The following TNFRSF13C variants were observed in gnomAD, a reference collection of about 807,000 sequenced individuals.
TNFRSF13C encodes TNF receptor superfamily member 13C.
TNFRSF13C carries 7 observed loss-of-function variants against 12.1 expected under a neutral mutation model. The observed-to-expected ratio is 0.58, with a 90% confidence interval of 0.33 to 1.08. The LOEUF (loss-of-function observed/expected upper bound fraction) is 1.08. TNFRSF13C is among the 50% of genes least tolerant of loss of function. The pLI is 0.04. For synonymous variants in TNFRSF13C, 157 were observed against 130.8 expected, an observed-to-expected ratio of 1.20 and a Z score of -1.37; for missense variants, 260 against 265.9, an observed-to-expected ratio of 0.98 and a Z score of 0.15.
Position 41,926,663 on chromosome 22 carries a change from G to A in TNFRSF13C, c.111C>T (p.Leu37=). Reference sequence around the variant, plus strand: ...CCGGTTTCGGCCGCGGCGTGCGCAGGAGCCCGCAGGCCACGCAGTGGCGGA... The same window carrying A: ...CCGGTTTCGGCCGCGGCGTGCGCAGAAGCCCGCAGGCCACGCAGTGGCGGA... ...LLVRHCVACG[L]LRTPRPKPAG... Residue 37 remains leucine (L), a synonymous_variant, in exon 1 of 3, where the codon CTC becomes CTT. Coordinates refer to ENST00000291232, the MANE Select transcript of TNFRSF13C (RefSeq NM_052945.4). The surrounding 1 kb of genome is among the most constrained non-coding windows in gnomAD (Gnocchi z 4.9). The A allele has an allele frequency of 6.8e-7, 1 of 1,463,116 alleles. No homozygotes were observed. The highest frequency in any genetic ancestry group is 9.0e-7 in the Non-Finnish European group (1 of 1,112,736). 90.6% of individuals were successfully genotyped at this position (1,463,116 alleles called of 1,614,324 possible). A position where few individuals can be genotyped will look rare whatever the true frequency, so the allele number is the denominator to read the frequency against.
rs6002544 is a variant in TNFRSF13C, at chr22:41,924,849, G to A, written c.*518C>T. 10,527 of 151,712 alleles carry A rather than the reference G, an allele frequency of 0.069. 1,186 individuals carry two copies. The highest frequency in any genetic ancestry group is 0.24 in the African/African-American group (9,939 of 40,720). The allele number at this position is 151,712 out of a possible 1,614,324, so 9.4% of individuals were successfully genotyped here. A position where few individuals can be genotyped will look rare whatever the true frequency, so the allele number is the denominator to read the frequency against. On this transcript the variant is annotated 3_prime_UTR_variant, in exon 3 of 3. Coordinates refer to ENST00000291232, the MANE Select transcript of TNFRSF13C (RefSeq NM_052945.4). ...TGCCTGTAATCCCAGCTATTCGGGA[G>A]GCTGAGGCAGGAGAATCACTTGAAC...
At position 41,925,459 on chromosome 22, in the gene TNFRSF13C, T is replaced by A; in HGVS notation, c.463A>T (p.Thr155Ser). ...WPPPGEDPGTTPPGHSVPVPA... is the reference protein window; with the variant it reads ...WPPPGEDPGTSPPGHSVPVPA... ...ACAGGGACACTGTGGCCAGGTGGGG[T>A]GGTTCCTGGGTCTTCCCCAGGAGGA... The change falls in exon 3 of 3, where the codon ACC becomes TCC. Residue 155 changes from threonine to serine, a missense_variant. By Grantham distance (58) the Thr-to-Ser change is moderately conservative. Coordinates refer to ENST00000291232, the MANE Select transcript of TNFRSF13C (RefSeq NM_052945.4). 6.2e-7 allele frequency: 1 copy of A among 1,610,938 alleles called. No homozygotes were observed. The highest frequency in any genetic ancestry group is 8.5e-7 in the Non-Finnish European group (1 of 1,179,644).
Position 41,925,267 on chromosome 22 carries a change from G to A in TNFRSF13C, c.*100C>T. 1 of 1,256,278 alleles carries A rather than the reference G, an allele frequency of 8.0e-7. No individual in the cohort carries two copies. Among genetic ancestry groups the A allele is most frequent in the South Asian group, 1.5e-5 (1 of 68,336 alleles). 77.8% of individuals were successfully genotyped at this position (1,256,278 alleles called of 1,614,324 possible). ...TGCAGAGTTAGCCTGGTCCCAGAAA[G>A]AGGGCATGTGCATGCTGGAGTGAAG... On this transcript the variant is annotated 3_prime_UTR_variant, in exon 3 of 3. Coordinates refer to ENST00000291232, the MANE Select transcript of TNFRSF13C (RefSeq NM_052945.4).
chr22:41,924,349 G>C lies in TNFRSF13C; in HGVS notation c.*1018C>G, dbSNP rs934627890. On this transcript the variant is annotated 3_prime_UTR_variant, in exon 3 of 3. Transcript: ENST00000291232. ...AAAATACAAAAAAAATTAGCCGGGC[G>C]TGATGGCGGGCGCCTATAGTCCCAG... 1.3e-5 allele frequency: 2 copies of C among 151,948 alleles called. No individual in the cohort carries two copies. The highest frequency in any genetic ancestry group is 4.2e-4 in the South Asian group (2 of 4,804). 9.4% of individuals were successfully genotyped at this position (151,948 alleles called of 1,614,324 possible). A position where few individuals can be genotyped will look rare whatever the true frequency, so the allele number is the denominator to read the frequency against.
chr22:41,925,338 G>T lies in TNFRSF13C; in HGVS notation c.*29C>A, dbSNP rs1198117976. 2.5e-6 allele frequency: 4 copies of T among 1,585,022 alleles called. No homozygotes were observed. Among genetic ancestry groups the T allele is most frequent in the Non-Finnish European group, 2.6e-6 (3 of 1,169,544 alleles). ...CCCCTGGCTGGGGGTCCAGAGGGAG[G>T]GCAGGGGCCACCTCCTGCCGGCTCC... On this transcript the variant is annotated 3_prime_UTR_variant, in exon 3 of 3. Transcript: ENST00000291232.
At position 41,925,479 on chromosome 22, in the gene TNFRSF13C, G is replaced by A; in HGVS notation, c.443C>T (p.Pro148Leu). ...TGGGGTGGTTCCTGGGTCTTCCCCA[G>A]GAGGAGGCCAGGCAGGAGCTGTGGC... Reference protein sequence around the residue: ...SDATAPAWPPPGEDPGTTPPG... With the variant: ...SDATAPAWPPLGEDPGTTPPG... Residue 148 changes from proline to leucine, a missense_variant, in exon 3 of 3, where the codon CCT becomes CTT. Transcript: ENST00000291232. 1.9e-6 allele frequency: 3 copies of A among 1,613,424 alleles called. No individual in the cohort carries two copies. The South Asian group carries it at 3.3e-5, about 18-fold the overall frequency.
At chr22:41,925,582 T>A (rs763481768) in intron 2 of TNFRSF13C, 28 bp from the exon 3 acceptor site, 5 of 1,609,352 alleles carry the variant, frequency 3.1e-6, no homozygotes, top group African/African-American at 1.3e-5. Flanking sequence ...AGAGGCTCCG[T>A]ACTCAGTCAC....
At position 41,926,312 on chromosome 22, in the gene TNFRSF13C, C is replaced by T. The variant is rs368657419; in HGVS notation, c.156G>A (p.Ala52=). The part of the protein sequence containing the change: ...RPKPAGASSP[A]PRTALQPQES... ...CCTGCGGCTGCAGCGCCGTCCTGGG[C>T]GCAGGGCTGCTGGCCCCGGCTGCTT... Residue 52 remains alanine, a synonymous_variant, in exon 2 of 3, where the codon GCG becomes GCA. Transcript: ENST00000291232. This position sits in a 1 kb window ranked among gnomAD's most constrained non-coding sequence, Gnocchi z 4.9. 3 of 1,442,742 alleles carry T rather than the reference C, an allele frequency of 2.1e-6. No homozygotes were observed. Among genetic ancestry groups the T allele is most frequent in the Non-Finnish European group, 1.8e-6 (2 of 1,105,584 alleles). The allele number at this position is 1,442,742 out of a possible 1,614,324, so 89.4% of individuals were successfully genotyped here. A position where few individuals can be genotyped will look rare whatever the true frequency, so the allele number is the denominator to read the frequency against.
At position 41,926,728 on chromosome 22, in the gene TNFRSF13C, G is replaced by A; in HGVS notation, c.46C>T (p.Pro16Ser). The part of the protein sequence containing the change: ...RSLRGRDAPA[P>S]TPCVPAECFD... ...CACTCGGCCGGGACGCAGGGCGTGG[G>A]GGCTGGCGCGTCCCTGCCCCGCAGG... is the stretch of plus-strand genomic sequence containing the variant. The change falls in exon 1 of 3, where the codon CCC becomes TCC. Residue 16 changes from proline to serine, a missense_variant. Pro to Ser is a moderately conservative substitution (Grantham distance 74). Transcript: ENST00000291232. This position sits in a 1 kb window ranked among gnomAD's most constrained non-coding sequence, Gnocchi z 4.9. 1 of 1,422,810 alleles carries A rather than the reference G, an allele frequency of 7.0e-7. No individual in the cohort carries two copies. Among genetic ancestry groups the A allele is most frequent in the Non-Finnish European group, 9.2e-7 (1 of 1,091,576 alleles). 88.1% of individuals were successfully genotyped at this position (1,422,810 alleles called of 1,614,324 possible).
rs759805007 is a variant in TNFRSF13C at position 41,923,725 on chromosome 22, G to C, written c.*1642C>G. 3.9e-5 allele frequency: 6 copies of C among 152,242 alleles called. No homozygotes were observed. Among genetic ancestry groups the C allele is most frequent in the Admixed American group, 6.5e-5 (1 of 15,280 alleles). 9.4% of individuals were successfully genotyped at this position (152,242 alleles called of 1,614,324 possible). A position where few individuals can be genotyped will look rare whatever the true frequency, so the allele number is the denominator to read the frequency against. ...AAATGTGCTGTGTCTTGGAGCAGCT[G>C]GAACCCCAGGTGGACCCTGAGAGAG... On this transcript the variant is annotated 3_prime_UTR_variant, in exon 3 of 3. Coordinates refer to ENST00000291232, the MANE Select transcript of TNFRSF13C (RefSeq NM_052945.4).
Position 41,926,541 on chromosome 22 carries a change from G to A in TNFRSF13C, c.136+97C>T. The stretch of plus-strand genomic sequence containing the variant: ...GCCCACAGGGTCCTTTCAGCCCTCG[G>A]CGCCCCCGGGGGTCGGGGCTCTGCC... On this transcript the variant is annotated intron_variant, in intron 1 of 2. Coordinates refer to ENST00000291232, the MANE Select transcript of TNFRSF13C (RefSeq NM_052945.4). The surrounding 1 kb of genome is among the most constrained non-coding windows in gnomAD (Gnocchi z 4.9). The A allele has an allele frequency of 1.5e-6, 2 of 1,307,068 alleles. No individual in the cohort carries two copies. The highest frequency in any genetic ancestry group is 9.7e-7 in the Non-Finnish European group (1 of 1,027,346). 81.0% of individuals were successfully genotyped at this position (1,307,068 alleles called of 1,614,324 possible).
chr22:41,925,501 T>C lies in TNFRSF13C; in HGVS notation c.421A>G (p.Thr141Ala), dbSNP rs770144140. ...CCAGGAGGAGGCCAGGCAGGAGCTG[T>C]GGCATCAGAGATTCCCGGAGACAGA... is the stretch of plus-strand genomic sequence containing the variant. ...IILSPGISDA[T>A]APAWPPPGED... Residue 141 changes from threonine to alanine, a missense_variant, in exon 3 of 3, where the codon ACA (threonine) becomes GCA (alanine). Transcript: ENST00000291232. 6.2e-7 allele frequency: 1 copy of C among 1,613,352 alleles called. No individual in the cohort carries two copies. Among genetic ancestry groups the C allele is most frequent in the Non-Finnish European group, 8.5e-7 (1 of 1,179,928 alleles).
chr22:41,922,621 T>C lies in TNFRSF13C; in HGVS notation c.*2746A>G, dbSNP rs1349157767. ...TTTCACCTGCTGAGCTAACCCTGGC[T>C]GTAGCAAAAGATGGGGTGGGAGATG... On this transcript the variant is annotated 3_prime_UTR_variant, in exon 3 of 3. Transcript: ENST00000291232. 4 of 146,208 alleles carry C rather than the reference T, an allele frequency of 2.7e-5. No homozygotes were observed. The Admixed American group carries it at 2.8e-4, about 10-fold the overall frequency. 9.1% of individuals were successfully genotyped at this position (146,208 alleles called of 1,614,324 possible). A position where few individuals can be genotyped will look rare whatever the true frequency, so the allele number is the denominator to read the frequency against.
In TNFRSF13C at chr22:41,926,117, G is replaced by C. The variant is rs577781803; in HGVS notation, c.351C>G (p.Pro117=). 13 of 1,612,332 alleles carry C rather than the reference G, an allele frequency of 8.1e-6. 1 individual carries two copies. In the Admixed American group the frequency reaches 2.2e-4, roughly 27 times the overall value. The change falls in exon 2 of 3, where the codon CCC becomes CCG. Residue 117 remains proline (P), a synonymous_variant. Transcript: ENST00000291232. The surrounding 1 kb of genome is among the most constrained non-coding windows in gnomAD (Gnocchi z 4.9). ...RLRGASSAEA[P]DGDKDAPEPL... ...GGAACTCACCGTCCTTGTCTCCGTC[G>C]GGGGCCTCTGCGGAGGACGCGCCGC...
intron 2 of TNFRSF13C, 83 bp from the exon 3 acceptor site, chr22:41,925,637 C>G (rs1195346788): frequency 1.3e-6 from 2 of 1,545,424 alleles, no homozygotes; most frequent in African/African-American, 2.7e-5. Flanking sequence ...AGGGGCAGTC[C>G]TCCGTCAAAT....
intron 2 of TNFRSF13C, among the ~76,000 whole-genome samples, chr22:41,925,840 C>T (rs1168878546): frequency 6.6e-6 from 1 of 152,108 alleles, no homozygotes; most frequent in Admixed American, 6.5e-5. Flanking sequence ...CAGACGGGGC[C>T]CCCTTCCTGC....
In TNFRSF13C at chr22:41,925,486, G is replaced by C. The variant is rs151243201; in HGVS notation, c.436C>G (p.Pro146Ala). Residue 146 changes from proline (P) to alanine (A), a missense_variant, in exon 3 of 3, where the codon CCT becomes GCT. Transcript: ENST00000291232. Reference protein sequence around the residue: ...GISDATAPAWPPPGEDPGTTP... With the variant: ...GISDATAPAWAPPGEDPGTTP... ...GTTCCTGGGTCTTCCCCAGGAGGAG[G>C]CCAGGCAGGAGCTGTGGCATCAGAG... 6.2e-7 allele frequency: 1 copy of C among 1,613,422 alleles called. No individual in the cohort carries two copies. Among genetic ancestry groups the C allele is most frequent in the Non-Finnish European group, 8.5e-7 (1 of 1,179,992 alleles).
At chr22:41,925,875 G>A (rs1321983912) in intron 2 of TNFRSF13C, among the ~76,000 whole-genome samples, 1 of 152,170 alleles carries the variant, frequency 6.6e-6, no homozygotes, top group Admixed American at 6.5e-5. Context: ...TCACACTGGG[G>A]TCTGTCAGGG....
chr22:41,926,749 G>T lies in TNFRSF13C; in HGVS notation c.25C>A (p.Arg9=). 7.3e-7 allele frequency: 1 copy of T among 1,378,380 alleles called. No individual in the cohort carries two copies. The highest frequency in any genetic ancestry group is 1.6e-5 in the South Asian group (1 of 61,174). 85.4% of individuals were successfully genotyped at this position (1,378,380 alleles called of 1,614,324 possible). MRRGPRSL[R]GRDAPAPTPC... ...GTGGGGGCTGGCGCGTCCCTGCCCC[G>T]CAGGCTCCGGGGCCCTCGCCTCATG... The change falls in exon 1 of 3, where the codon CGG becomes AGG. Residue 9 remains arginine, a synonymous_variant. Coordinates refer to ENST00000291232, the MANE Select transcript of TNFRSF13C (RefSeq NM_052945.4). The surrounding 1 kb of genome is among the most constrained non-coding windows in gnomAD (Gnocchi z 4.9).
Sources: allele counts gnomAD v4.1 joint callset (sites outside exome capture counted in the v4.1 genomes callset), GRCh38; gene constraint gnomAD v4.1.1; non-coding constraint Gnocchi (gnomAD v3.1); transcripts MANE v1.5; gene names NCBI Gene and HGNC (gene_info 2026-07-23, HGNC 2026-07-21).